TBC1D32: variants seen among roughly 807,000 people sequenced by gnomAD.
TBC1D32 encodes the protein protein broad-minded.
In TBC1D32, 151 loss-of-function variants were observed where a neutral mutation model predicts 170.3. The observed-to-expected ratio is 0.89, with a 90% CI of 0.78 to 1.01. The LOEUF is 1.01. Among genes scored for constraint, TBC1D32 ranks in the 50% least tolerant of loss-of-function variants. The pLI is 0.00. For missense variants in TBC1D32, 1,464 were observed against 1,457.1 expected (o/e 1.00, Z -0.08); for synonymous variants, 498 against 488.0 (o/e 1.02, Z -0.27).
rs536845863 is a variant in TBC1D32 at position 121,296,522 on chromosome 6, T to A, written c.1141-1862A>T. Reference sequence around the variant, plus strand: ...CCTCCTACTGTGTTACTTATCTCAATGAATGACATTAGTCAATTGTCTGAG... The same window carrying A: ...CCTCCTACTGTGTTACTTATCTCAAAGAATGACATTAGTCAATTGTCTGAG... On this transcript the variant is annotated intron_variant, in intron 10 of 31. Transcript: ENST00000398212. 3.3e-5 allele frequency among the ~76,000 whole-genome samples: 5 copies of A among 152,286 alleles called. No individual in the cohort carries two copies. The East Asian group carries it at 9.7e-4, about 29-fold the overall frequency.
At chr6:121,227,131 C>T (rs1028713967) in intron 20 of TBC1D32, among the ~76,000 whole-genome samples, 3 of 152,194 alleles carry the variant, frequency 2.0e-5, no homozygotes, top group Non-Finnish European at 1.5e-5. Context: ...ACATTCAAAG[C>T]TGTCCTGGGC....
At chr6:121,332,904 G>C (rs189449605) in intron 1 of TBC1D32, among the ~76,000 whole-genome samples, 2 of 152,040 alleles carry the variant, frequency 1.3e-5, no homozygotes, top group Non-Finnish European at 2.9e-5. Flanking sequence ...AAAAGAAACC[G>C]TAAGTATAAT....
At chr6:121,277,467 G>A (rs553386176) in intron 15 of TBC1D32, among the ~76,000 whole-genome samples, 10 of 107,170 alleles carry the variant, frequency 9.3e-5, no homozygotes, top group African/African-American at 3.6e-4. Flanking sequence ...CAGCCTGGGC[G>A]ACAGAGAAAG....
At chr6:121,141,940 G>A (rs950177627) in intron 24 of TBC1D32, among the ~76,000 whole-genome samples, 10 of 152,204 alleles carry the variant, frequency 6.6e-5, no homozygotes, top group African/African-American at 9.6e-5. Flanking sequence ...ACAAGGGAAT[G>A]TAGAGGAGTT....
In TBC1D32 at chr6:121,303,867, C is replaced by A; in HGVS notation, c.936-106G>T. 3 of 767,602 alleles carry A rather than the reference C, an allele frequency of 3.9e-6. No homozygotes were observed. The South Asian group carries it at 1.5e-4, about 38-fold the overall frequency. The allele number at this position is 767,602 out of a possible 1,614,324, so 47.5% of individuals were successfully genotyped here. On this transcript the variant is annotated intron_variant, in intron 8 of 31. Coordinates refer to ENST00000398212, the MANE Select transcript of TBC1D32 (RefSeq NM_152730.6). ...CATATAATCTTCAGAAACATTTTTT[C>A]TATTTCAGTAAATGACAGGTAGGAT... is the stretch of plus-strand genomic sequence containing the variant.
chr6:121,176,180 A>G (rs1787737141), intron 22 of TBC1D32, among the ~76,000 whole-genome samples: 1 of 152,202 alleles, frequency 6.6e-6, no homozygotes, highest in African/African-American at 2.4e-5. Flanking sequence ...TGAAAAAAAT[A>G]TATCACTGTG....
At chr6:121,213,880 C>A (rs529017959) in intron 21 of TBC1D32, among the ~76,000 whole-genome samples, 1 of 152,116 alleles carries the variant, frequency 6.6e-6, no homozygotes, top group Non-Finnish European at 1.5e-5. Flanking sequence ...CATCATGTTA[C>A]CTGACTTGGA....
intron 22 of TBC1D32, among the ~76,000 whole-genome samples, chr6:121,180,933 T>C (rs953418083): frequency 6.6e-6 from 1 of 151,852 alleles, no homozygotes; most frequent in Admixed American, 6.6e-5. Flanking sequence ...GCAAAAGATA[T>C]AAACAGGTAT....
At chr6:121,131,577 A>G (rs1163747851) in intron 25 of TBC1D32, 50 bp downstream of exon 25, 1 of 1,552,822 alleles carries the variant, frequency 6.4e-7, no homozygotes, top group African/African-American at 1.4e-5. Flanking sequence ...AGATTCTATT[A>G]ATATAATTTT....
chr6:121,191,029 C>A (rs569267596), intron 22 of TBC1D32, among the ~76,000 whole-genome samples: 2 of 89,948 alleles, frequency 2.2e-5, no homozygotes, highest in South Asian at 9.6e-4. Flanking sequence ...TAAGCAAATA[C>A]AATGTGTGTA....
At chr6:121,241,369 A>T in intron 19 of TBC1D32, 96 bp downstream of exon 19, 1 of 1,011,734 alleles carries the variant, frequency 9.9e-7, no homozygotes, top group Non-Finnish European at 1.5e-6. Context: ...TTTAGAGTAA[A>T]TATCCTGATA....
At chr6:121,328,127 A>C (rs998200004) in intron 1 of TBC1D32, among the ~76,000 whole-genome samples, 2 of 152,166 alleles carry the variant, frequency 1.3e-5, no homozygotes, top group African/African-American at 4.8e-5. Context: ...AATTGTGCTT[A>C]AAATATCGAG....
At chr6:121,333,858 G>A (rs1299403072) in intron 1 of TBC1D32, among the ~76,000 whole-genome samples, 6 of 152,120 alleles carry the variant, frequency 3.9e-5, no homozygotes, top group African/African-American at 9.7e-5. Flanking sequence ...CTTGAGGTAG[G>A]GAGTTCGAGA....
At chr6:121,291,248 A>G (rs1464618221) in intron 12 of TBC1D32, among the ~76,000 whole-genome samples, 1 of 152,126 alleles carries the variant, frequency 6.6e-6, no homozygotes, top group Non-Finnish European at 1.5e-5. Context: ...CATCAGTTCT[A>G]GGAACAATAG....
chr6:121,112,415 T>C (rs13195570), intron 29 of TBC1D32, 90 bp downstream of exon 29: 17 of 1,171,828 alleles, frequency 1.5e-5, no homozygotes, highest in Non-Finnish European at 1.8e-5. Context: ...TATTACAAAG[T>C]CCTTCACAAA....
chr6:121,208,729 GAAA>G lies in TBC1D32; in HGVS notation c.2482-3569_2482-3567del, dbSNP rs57771111. Among the ~76,000 whole-genome samples, 75 of 86,914 alleles carry G rather than the reference GAAA, an allele frequency of 8.6e-4. 2 individuals are homozygous for G. The highest frequency in any genetic ancestry group is 2.2e-3 in the East Asian group (6 of 2,670). 57.0% of individuals were successfully genotyped at this position (86,914 alleles called of 152,430 possible). On this transcript the variant is annotated intron_variant, in intron 21 of 31. Coordinates refer to ENST00000398212, the MANE Select transcript of TBC1D32 (RefSeq NM_152730.6). ...GTAGCAACAAGACACGAAACACCTGGAAAAAAAAAAAAAAAAAACAGAAATTAA... is the reference window on the plus strand; with the variant it reads ...GTAGCAACAAGACACGAAACACCTGGAAAAAAAAAAAAAAACAGAAATTAA...
chr6:121,235,345 G>A (rs1796203437), intron 20 of TBC1D32, among the ~76,000 whole-genome samples: 1 of 152,102 alleles, frequency 6.6e-6, no homozygotes, highest in African/African-American at 2.4e-5. Context: ...AGCTACCAGG[G>A]AGGGTAAAAA....
At chr6:121,239,647 C>T (rs1207387613) in intron 19 of TBC1D32, among the ~76,000 whole-genome samples, 1 of 151,982 alleles carries the variant, frequency 6.6e-6, no homozygotes, top group Non-Finnish European at 1.5e-5. Flanking sequence ...TCCCTTATTC[C>T]AATATAACTA....
In TBC1D32 at chr6:121,255,965, T is replaced by C. The variant is rs2128395389; in HGVS notation, c.1935+119A>G. The C allele has an allele frequency of 6.0e-6, 5 of 833,052 alleles. No homozygotes were observed. In the East Asian group the frequency reaches 1.1e-4, roughly 18 times the overall value. The allele number at this position is 833,052 out of a possible 1,614,324, so 51.6% of individuals were successfully genotyped here. ...CATTATGTCCCCTAGAGTACTGTGA[T>C]GCTAAAGAAGTCATATTTGCCCCAG... On this transcript the variant is annotated intron_variant, in intron 16 of 31. Transcript: ENST00000398212.
Sources: gnomAD v4.1 joint callset for allele counts (sites outside exome capture counted in the v4.1 genomes callset) on GRCh38, gnomAD v4.1.1 for gene constraint, MANE v1.5 for transcripts, NCBI Gene and HGNC (gene_info 2026-07-23, HGNC 2026-07-21) for gene names.